The following SSH1 variants were observed in gnomAD, a reference collection of about 807,000 sequenced individuals.
SSH1 encodes the protein protein phosphatase Slingshot homolog 1.
A neutral mutation model predicts 79.7 loss-of-function variants in SSH1; 43 were observed. The observed-to-expected ratio is 0.54, with a 90% CI of 0.42 to 0.70. The LOEUF (loss-of-function observed/expected upper bound fraction) is 0.70. Among genes scored for constraint, SSH1 ranks in the 30% least tolerant of loss-of-function variants. The pLI is 0.00. For missense variants in SSH1, 1,206 were observed against 1,358.8 expected (o/e 0.89, Z 1.77); for synonymous variants, 599 against 538.3 (o/e 1.11, Z -1.56).
At chr12:108,795,120 G>A (rs898974054) in intron 13 of SSH1, among the ~76,000 whole-genome samples, 4 of 152,178 alleles carry the variant, frequency 2.6e-5, no homozygotes, top group Admixed American at 6.5e-5. Flanking sequence ...AGGCACAGAC[G>A]TGTCTCCCAG....
At chr12:108,851,672 C>T (rs2039042353) in intron 2 of SSH1, among the ~76,000 whole-genome samples, 1 of 152,152 alleles carries the variant, frequency 6.6e-6, no homozygotes, top group Non-Finnish European at 1.5e-5. Context: ...TTAGTGAATA[C>T]ATCAGCTGAG....
rs553526840 is a variant in SSH1 at position 108,803,619 on chromosome 12, T to C, written c.955-1251A>G. Reference sequence around the variant, plus strand: ...CCTTTAGTATCTCTCATGGAAAAAGTGACATAAAGCACTGAACCACACTAA... The same window carrying C: ...CCTTTAGTATCTCTCATGGAAAAAGCGACATAAAGCACTGAACCACACTAA... On this transcript the variant is annotated intron_variant, in intron 10 of 14. Transcript: ENST00000326495. 2.4e-4 allele frequency among the ~76,000 whole-genome samples: 36 copies of C among 152,186 alleles called. 1 individual carries two copies. The South Asian group carries it at 7.3e-3, about 31-fold the overall frequency.
chr12:108,848,308 T>C (rs1446791696), intron 2 of SSH1, among the ~76,000 whole-genome samples: 1 of 152,140 alleles, frequency 6.6e-6, no homozygotes, highest in African/African-American at 2.4e-5. Flanking sequence ...TGCAATTTAT[T>C]GGATATGGAT....
chr12:108,828,772 G>A (rs1298164968), intron 2 of SSH1, among the ~76,000 whole-genome samples: 1 of 152,148 alleles, frequency 6.6e-6, no homozygotes, highest in Non-Finnish European at 1.5e-5. Flanking sequence ...AAGGAGTTCT[G>A]TAAACCACAC....
chr12:108,844,889 A>C (rs1175043883), intron 2 of SSH1, among the ~76,000 whole-genome samples: 1 of 152,144 alleles, frequency 6.6e-6, no homozygotes, highest in Non-Finnish European at 1.5e-5. Context: ...CGGGTGGATC[A>C]CCTGAAGTCA....
At position 108,783,850 on chromosome 12, in the gene SSH1, T is replaced by G. The variant is rs766020840; in HGVS notation, c.*4138A>C. On this transcript the variant is annotated 3_prime_UTR_variant, in exon 15 of 15. Transcript: ENST00000326495. Reference sequence around the variant, plus strand: ...GGTCATTCAACAACCTTCATTTGGTTTGCAATGTCTGCAGGAATCTGGGTA... The same window carrying G: ...GGTCATTCAACAACCTTCATTTGGTGTGCAATGTCTGCAGGAATCTGGGTA... 3 of 152,266 alleles carry G rather than the reference T, an allele frequency of 2.0e-5. No homozygotes were observed. Among genetic ancestry groups the G allele is most frequent in the Non-Finnish European group, 2.9e-5 (2 of 68,084 alleles). 9.4% of individuals were successfully genotyped at this position (152,266 alleles called of 1,614,324 possible). A position where few individuals can be genotyped will look rare whatever the true frequency, so the allele number is the denominator to read the frequency against.
At chr12:108,834,353 C>T (rs190928573) in intron 2 of SSH1, 4 of 152,380 alleles carry the variant, frequency 2.6e-5, no homozygotes, top group Admixed American at 6.5e-5. Context: ...TTGTGGCCCT[C>T]GCTGTGAGCT....
chr12:108,802,456 C>A, intron 10 of SSH1, 88 bp from the exon 11 acceptor site: 1 of 1,238,676 alleles, frequency 8.1e-7, no homozygotes, highest in East Asian at 2.3e-5. Context: ...CTAGCTCTGG[C>A]GGTGAGGTCT....
rs1593115248 is a variant in SSH1 at position 108,836,191 on chromosome 12, G to A, written c.111-12830C>T. Among the ~76,000 whole-genome samples the A allele has an allele frequency of 2.0e-5, 3 of 151,854 alleles. No individual in the cohort carries two copies. The South Asian group carries it at 6.2e-4, about 31-fold the overall frequency. On this transcript the variant is annotated intron_variant, in intron 2 of 14. Transcript: ENST00000326495. ...ACAAAACTAGAATGAACCCCAAGGT[G>A]CTGCATCAGAATTGAAGGTACCAGT... is the stretch of plus-strand genomic sequence containing the variant.
At chr12:108,802,538 A>G (rs2037060760) in intron 10 of SSH1, among the ~76,000 whole-genome samples, 170 bp from the exon 11 acceptor site, 1 of 152,116 alleles carries the variant, frequency 6.6e-6, no homozygotes, top group African/African-American at 2.4e-5. Context: ...TTCCTGAGTG[A>G]GTACTCAGAG....
chr12:108,845,735 T>C (rs2038885829), intron 2 of SSH1, among the ~76,000 whole-genome samples: 1 of 152,198 alleles, frequency 6.6e-6, no homozygotes, highest in Admixed American at 6.5e-5. Flanking sequence ...AAGTTAGTGG[T>C]AACTTGTCAT....
chr12:108,825,239 T>A (rs1245680635), intron 2 of SSH1, among the ~76,000 whole-genome samples: 3 of 152,126 alleles, frequency 2.0e-5, no homozygotes, highest in African/African-American at 7.2e-5. Flanking sequence ...ATTAAGTAAA[T>A]CAATTCCTGA....
At chr12:108,814,097 G>A (rs555331210) in intron 5 of SSH1, among the ~76,000 whole-genome samples, 25 of 152,268 alleles carry the variant, frequency 1.6e-4, no homozygotes, top group African/African-American at 5.8e-4. Context: ...GGTGGTGCAT[G>A]CCTGTAATCC....
rs2036156952 is a variant in SSH1 at position 108,782,371 on chromosome 12, G to A, written c.*5617C>T. The A allele has an allele frequency of 6.6e-6, 1 of 151,862 alleles. No homozygotes were observed. Among genetic ancestry groups the A allele is most frequent in the South Asian group, 2.1e-4 (1 of 4,814 alleles). 9.4% of individuals were successfully genotyped at this position (151,862 alleles called of 1,614,324 possible). Reference sequence around the variant, plus strand: ...GGCTTTACATTTCCTACTTGTACGGGAAGAGAACCCACCCAAAGTCCAAAT... The same window carrying A: ...GGCTTTACATTTCCTACTTGTACGGAAAGAGAACCCACCCAAAGTCCAAAT... On this transcript the variant is annotated 3_prime_UTR_variant, in exon 15 of 15. Transcript: ENST00000326495.
intron 2 of SSH1, among the ~76,000 whole-genome samples, chr12:108,827,717 C>T (rs1351169812): frequency 6.6e-6 from 1 of 152,152 alleles, no homozygotes; most frequent in East Asian, 1.9e-4. Flanking sequence ...GGAACCAACC[C>T]CAAGCAACAA....
intron 2 of SSH1, among the ~76,000 whole-genome samples, chr12:108,848,901 C>G (rs897798553): frequency 1.3e-5 from 2 of 152,112 alleles, no homozygotes; most frequent in Non-Finnish European, 1.5e-5. Flanking sequence ...ACCCAACATC[C>G]CAGGAGGCAC....
At chr12:108,817,748 C>A (rs1176872833) in intron 4 of SSH1, among the ~76,000 whole-genome samples, 1 of 152,216 alleles carries the variant, frequency 6.6e-6, no homozygotes, top group African/African-American at 2.4e-5. Flanking sequence ...TATTTAACTG[C>A]CGTGGAGACC....
rs1484439890 is a variant in SSH1, at chr12:108,779,648, A to G, written c.*8340T>C. The G allele has an allele frequency of 6.6e-6, 1 of 152,086 alleles. No individual in the cohort carries two copies. Among genetic ancestry groups the G allele is most frequent in the Non-Finnish European group, 1.5e-5 (1 of 68,010 alleles). 9.4% of individuals were successfully genotyped at this position (152,086 alleles called of 1,614,324 possible). ...AGTCCAAAGAGTTCAAGAAAGTTAG[A>G]AAAAGGACTCTCCTCTACCTTTTTT... On this transcript the variant is annotated 3_prime_UTR_variant, in exon 15 of 15. Coordinates refer to ENST00000326495, the MANE Select transcript of SSH1 (RefSeq NM_018984.4).
Position 108,823,256 on chromosome 12 carries a change from ACCTGCATG to A in SSH1, c.208_214+1del. On this transcript the variant is annotated splice_donor_variant and coding_sequence_variant, in exon 3 of 15. Transcript: ENST00000326495. LOFTEE classifies it high-confidence loss of function. ...GTAAGAGTATCAACTTAGAGCCCTC[ACCTGCATG>A]CTTGTGGGGGTGCTGAAGACTCCGC... The A allele has an allele frequency of 6.3e-7, 1 of 1,576,834 alleles. No homozygotes were observed. Among genetic ancestry groups the A allele is most frequent in the Non-Finnish European group, 8.6e-7 (1 of 1,159,696 alleles).
Sources: allele counts gnomAD v4.1 joint callset (sites outside exome capture counted in the v4.1 genomes callset), GRCh38; gene constraint gnomAD v4.1.1; transcripts MANE v1.5; gene names NCBI Gene and HGNC (gene_info 2026-07-23, HGNC 2026-07-21).